ADCY10: variants seen among roughly 807,000 people sequenced by gnomAD.
ADCY10 encodes the protein adenylate cyclase type 10.
Under a neutral mutation model 183.3 loss-of-function variants are expected in ADCY10, and 156 were observed. The observed-to-expected ratio is 0.85, with a 90% CI of 0.75 to 0.97. ADCY10 has a LOEUF of 0.97. Among genes scored for constraint, ADCY10 ranks in the 50% least tolerant of loss-of-function variants. ADCY10 has a pLI of 0.00. For missense variants in ADCY10, 1,745 were observed against 1,934.3 expected, an observed-to-expected ratio of 0.90 and a Z score of 1.84; for synonymous variants, 645 against 670.0, an observed-to-expected ratio of 0.96 and a Z score of 0.58.
intron 26 of ADCY10, among the ~76,000 whole-genome samples, chr1:167,826,700 G>C (rs949501215): frequency 3.3e-5 from 5 of 152,214 alleles, no homozygotes; most frequent in Non-Finnish European, 5.9e-5. Context: ...TTGCTTCCAA[G>C]GGATTTACAC....
At chr1:167,836,618 G>A (rs1008136772) in intron 22 of ADCY10, 78 bp from the exon 23 acceptor site, 28 of 1,044,156 alleles carry the variant, frequency 2.7e-5, no homozygotes, top group Middle Eastern at 2.6e-4. Flanking sequence ...GGCCAGACGC[G>A]GTGGCTCACG....
intron 21 of ADCY10, among the ~76,000 whole-genome samples, chr1:167,841,374 C>T (rs1242375078): frequency 2.6e-5 from 4 of 152,142 alleles, no homozygotes; most frequent in African/African-American, 9.7e-5. Context: ...AGCAAAATCC[C>T]TCACTTCCTC....
At chr1:167,899,982 T>C (rs1350431824) in intron 5 of ADCY10, among the ~76,000 whole-genome samples, 3 of 152,230 alleles carry the variant, frequency 2.0e-5, no homozygotes, top group African/African-American at 7.2e-5. Flanking sequence ...ATTTGCATTT[T>C]AGCAGAGATT....
At position 167,853,830 on chromosome 1, in the gene ADCY10, C is replaced by CTTT. The variant is rs538462140; in HGVS notation, c.2308+520_2308+522dup. ...TGTTCTTTCATTTCTACTATAGTTA[C>CTTT]TTTTTTTTTTTTTTTTTTTTTTTTT... is the stretch of plus-strand genomic sequence containing the variant. On this transcript the variant is annotated intron_variant, in intron 18 of 32. Transcript: ENST00000367851. Among the ~76,000 whole-genome samples, 68 of 77,190 alleles carry CTTT rather than the reference C, an allele frequency of 8.8e-4. 7 individuals carry two copies. The highest frequency in any genetic ancestry group is 3.3e-3 in the African/African-American group (59 of 18,132). The allele number at this position is 77,190 out of a possible 152,430, so 50.6% of individuals were successfully genotyped here.
intron 9 of ADCY10, among the ~76,000 whole-genome samples, chr1:167,880,842 G>A (rs774265790): frequency 2.6e-5 from 4 of 152,194 alleles, no homozygotes; most frequent in Non-Finnish European, 2.9e-5. Flanking sequence ...AGTGAATAGG[G>A]CTGAGCTATC....
At chr1:167,904,631 A>T (rs1669691481) in intron 2 of ADCY10, 1 of 536,176 alleles carries the variant, frequency 1.9e-6, no homozygotes, top group South Asian at 2.9e-5. Context: ...CAAGTTTATT[A>T]GTAAGATGTA....
At position 167,823,112 on chromosome 1, in the gene ADCY10, AATTG is replaced by A; in HGVS notation, c.4060_4063del (p.Gln1354Ter). On this transcript the variant is annotated frameshift_variant, in exon 29 of 33. Transcript: ENST00000367851. LOFTEE classifies it high-confidence loss of function. ...CCACAGCCGCCCCAGCACCTGGATC[AATTG>A]CGGGTATCTATGGAAAAGAAAAGGT... 6.2e-7 allele frequency: 1 copy of A among 1,614,074 alleles called. No homozygotes were observed. The highest frequency in any genetic ancestry group is 2.2e-5 in the East Asian group (1 of 44,884).
intron 13 of ADCY10, among the ~76,000 whole-genome samples, chr1:167,874,439 C>T (rs772142650): frequency 1.3e-5 from 2 of 152,198 alleles, no homozygotes; most frequent in Non-Finnish European, 2.9e-5. Flanking sequence ...TACCACTATA[C>T]ACCCAACAGA....
chr1:167,877,713 G>A (rs1008546969), intron 12 of ADCY10, among the ~76,000 whole-genome samples: 2 of 152,190 alleles, frequency 1.3e-5, no homozygotes, highest in African/African-American at 2.4e-5. Context: ...GAGGAAGAAG[G>A]AAGACAAAGG....
In ADCY10 at chr1:167,848,422, T is replaced by G. The variant is rs1287041290; in HGVS notation, c.2376A>C (p.Glu792Asp). Residue 792 changes from glutamate to aspartate, a missense_variant, in exon 19 of 33, where the codon GAA becomes GAC. Coordinates refer to ENST00000367851, the MANE Select transcript of ADCY10 (RefSeq NM_018417.6). Reference sequence around the variant, plus strand: ...TGACACCACTTGTGAGGTGACAGACTTCTTCACTTTCCTTATCACTATGGA... The same window carrying G: ...TGACACCACTTGTGAGGTGACAGACGTCTTCACTTTCCTTATCACTATGGA... ...VTLHSDKESE[E>D]VCHLTSGVRL... The G allele has an allele frequency of 6.2e-7, 1 of 1,613,928 alleles. No homozygotes were observed. Among genetic ancestry groups the G allele is most frequent in the Non-Finnish European group, 8.5e-7 (1 of 1,179,922 alleles).
In ADCY10 at chr1:167,846,150, A is replaced by G. The variant is rs1255116525; in HGVS notation, c.2551T>C (p.Cys851Arg). 6.2e-7 allele frequency: 1 copy of G among 1,614,200 alleles called. No individual in the cohort carries two copies. Among genetic ancestry groups the G allele is most frequent in the Non-Finnish European group, 8.5e-7 (1 of 1,180,042 alleles). Residue 851 changes from cysteine (C) to arginine (R), a missense_variant, in exon 20 of 33, where the codon TGT becomes CGT. Coordinates refer to ENST00000367851, the MANE Select transcript of ADCY10 (RefSeq NM_018417.6). ...TTELLFEILP[C>R]WNMKMMIKTL... ...TTGATCATCATCTTCATATTCCAAC[A>G]GGGGAGAATCTCAAACAACAACTCA... is the stretch of plus-strand genomic sequence containing the variant.
chr1:167,838,217 G>A (rs751544114), intron 21 of ADCY10, among the ~76,000 whole-genome samples: 6 of 152,132 alleles, frequency 3.9e-5, no homozygotes, highest in African/African-American at 1.2e-4. Flanking sequence ...CTGTGTGCCC[G>A]TCAACCCTGT....
chr1:167,904,082 CTT>C (rs879025060), intron 2 of ADCY10, 91 bp from the exon 3 acceptor site: 26,801 of 340,308 alleles, frequency 0.079, 3 homozygotes, highest in South Asian at 0.094. Context: ...CGGGCCTCAG[CTT>C]TTTTTTTTTT....
intron 14 of ADCY10, among the ~76,000 whole-genome samples, chr1:167,866,148 G>A (rs1379725788): frequency 6.6e-6 from 1 of 152,190 alleles, no homozygotes; most frequent in Non-Finnish European, 1.5e-5. Context: ...CCTTTACTGG[G>A]CACTCTGCCG....
In ADCY10 at chr1:167,880,194, G is replaced by A. The variant is rs761248509; in HGVS notation, c.1140-3C>T. On this transcript the variant is annotated splice_polypyrimidine_tract_variant and splice_region_variant and intron_variant, in intron 10 of 32. Coordinates refer to ENST00000367851, the MANE Select transcript of ADCY10 (RefSeq NM_018417.6). ...TGGCAACACCGATGGATACAGTTCT[G>A]GTGCAGGGGAGACAAGATTTGTGGG... is the stretch of plus-strand genomic sequence containing the variant. The A allele has an allele frequency of 2.5e-6, 4 of 1,611,608 alleles. No individual in the cohort carries two copies. In the African/African-American group the frequency reaches 5.3e-5, roughly 22 times the overall value.
intron 1 of ADCY10, among the ~76,000 whole-genome samples, chr1:167,912,686 T>G (rs1467132299): frequency 1.3e-5 from 2 of 152,214 alleles, no homozygotes; most frequent in African/African-American, 4.8e-5. Flanking sequence ...TCCTCTTCCT[T>G]CTTGCCTATT....
chr1:167,864,503 A>G (rs1487518643), intron 14 of ADCY10, among the ~76,000 whole-genome samples: 1 of 152,134 alleles, frequency 6.6e-6, no homozygotes, highest in Non-Finnish European at 1.5e-5. Context: ...AGACAATTAC[A>G]GCTGGTTTTA....
chr1:167,877,793 G>C (rs1667581251), intron 12 of ADCY10, among the ~76,000 whole-genome samples: 1 of 152,146 alleles, frequency 6.6e-6, no homozygotes, highest in Non-Finnish European at 1.5e-5. Context: ...CCTCGAGCTG[G>C]GTTTCAAAAA....
rs538813882 is a variant in ADCY10, at chr1:167,900,601, C to T, written c.437-973G>A. Among the ~76,000 whole-genome samples, 1,037 of 152,050 alleles carry T rather than the reference C, an allele frequency of 6.8e-3. 9 individuals are homozygous for T. Among genetic ancestry groups the T allele is most frequent in the African/African-American group, 0.024 (983 of 41,424 alleles). ...AGGCTGGAGTGCAATGGCGCCATCTCGGCTCACTGCAACCTCCGCCTCCTG... is the reference window on the plus strand; with the variant it reads ...AGGCTGGAGTGCAATGGCGCCATCTTGGCTCACTGCAACCTCCGCCTCCTG... On this transcript the variant is annotated intron_variant, in intron 5 of 32. Transcript: ENST00000367851.
Sources: allele counts gnomAD v4.1 joint callset (sites outside exome capture counted in the v4.1 genomes callset), GRCh38; gene constraint gnomAD v4.1.1; transcripts MANE v1.5; gene names NCBI Gene and HGNC (gene_info 2026-07-23, HGNC 2026-07-21).